The following SWAP70 variants were observed in gnomAD, a reference collection of about 807,000 sequenced individuals.
The protein encoded by SWAP70 is switching B cell complex subunit SWAP70.
In SWAP70, 34 loss-of-function variants were observed where a neutral mutation model predicts 80.2. The observed-to-expected ratio is 0.42, with a 90% CI of 0.32 to 0.56. SWAP70 has a LOEUF of 0.56. Ranked by LOEUF, SWAP70 falls within the 20% of genes least tolerant of loss-of-function variation. SWAP70 has a pLI of 0.09. For missense variants in SWAP70, 578 were observed against 690.7 expected, an observed-to-expected ratio of 0.84 and a Z score of 1.83; for synonymous variants, 239 against 238.5, an observed-to-expected ratio of 1.00 and a Z score of -0.02.
At chr11:9,726,877 T>C in intron 4 of SWAP70, 1 of 456,258 alleles carries the variant, frequency 2.2e-6, no homozygotes, top group Non-Finnish European at 4.4e-6. Context: ...AAGCCAGTAT[T>C]TGAACTCCTG....
At chr11:9,697,018 C>T (rs373728492) in intron 2 of SWAP70, among the ~76,000 whole-genome samples, 2 of 151,850 alleles carry the variant, frequency 1.3e-5, no homozygotes. Context: ...TCAAGACTAG[C>T]CTGAACAACA....
At chr11:9,688,695 A>G (rs1418225284) in intron 1 of SWAP70, among the ~76,000 whole-genome samples, 1 of 152,180 alleles carries the variant, frequency 6.6e-6, no homozygotes, top group Admixed American at 6.6e-5. Flanking sequence ...GTAAGTGTCT[A>G]GGATGGTAAC....
chr11:9,730,642 A>C (rs957973996), intron 6 of SWAP70, among the ~76,000 whole-genome samples: 1 of 152,230 alleles, frequency 6.6e-6, no homozygotes, highest in African/African-American at 2.4e-5. Context: ...TTGAGGTAAT[A>C]TGTAAAAGAA....
At chr11:9,720,460 T>A in intron 3 of SWAP70, 1 of 985,416 alleles carries the variant, frequency 1.0e-6, no homozygotes, top group Non-Finnish European at 1.2e-6. Flanking sequence ...GCTTGGAGTG[T>A]GAATGACGTG....
intron 9 of SWAP70, 137 bp from the exon 10 acceptor site, chr11:9,747,721 C>T (rs1851529950): frequency 2.5e-6 from 2 of 804,590 alleles, no homozygotes; most frequent in Admixed American, 2.1e-5. Context: ...TTCTCTGGCT[C>T]CTGCTTTCCT....
intron 3 of SWAP70, among the ~76,000 whole-genome samples, chr11:9,714,743 C>T (rs1279014158): frequency 6.6e-6 from 1 of 151,264 alleles, no homozygotes; most frequent in Non-Finnish European, 1.5e-5. Context: ...TCCAGCTTGA[C>T]TGAGTTGCCA....
intron 1 of SWAP70, among the ~76,000 whole-genome samples, chr11:9,681,989 T>C (rs563290856): frequency 6.6e-6 from 1 of 152,338 alleles, no homozygotes; most frequent in African/African-American, 2.4e-5. Flanking sequence ...GGGAAATCAC[T>C]TCTCTTTGCT....
chr11:9,694,037 A>T, intron 1 of SWAP70, 109 bp from the exon 2 acceptor site: 2 of 1,361,712 alleles, frequency 1.5e-6, no homozygotes, highest in Admixed American at 5.3e-5. Flanking sequence ...TTGCTAGTTT[A>T]TTTTCCATCT....
intron 1 of SWAP70, among the ~76,000 whole-genome samples, chr11:9,675,375 GAGA>G (rs1850481823): frequency 5.5e-5 from 3 of 54,866 alleles, no homozygotes; most frequent in Admixed American, 1.7e-4. Context: ...GAGAGAGAGA[GAGA>G]GAGAGAGAGA....
At chr11:9,736,015 C>T (rs1851358967) in intron 7 of SWAP70, among the ~76,000 whole-genome samples, 1 of 152,046 alleles carries the variant, frequency 6.6e-6, no homozygotes, top group African/African-American at 2.4e-5. Flanking sequence ...ATAATGGTGT[C>T]CCACATTTCT....
rs776234563 is a variant in SWAP70 at position 9,740,436 on chromosome 11, G to A, written c.1355+89G>A. The A allele has an allele frequency of 1.1e-5, 15 of 1,340,240 alleles. No individual in the cohort carries two copies. In the Admixed American group the frequency reaches 2.4e-4, roughly 21 times the overall value. The allele number at this position is 1,340,240 out of a possible 1,614,324, so 83.0% of individuals were successfully genotyped here. On this transcript the variant is annotated intron_variant, in intron 9 of 11. Coordinates refer to ENST00000318950, the MANE Select transcript of SWAP70 (RefSeq NM_015055.4). Reference sequence around the variant, plus strand: ...AATGACTAACACTCTGGTGGAGAGGGAGAAGTGTCTCTGCTCTGGCTGTGA... The same window carrying A: ...AATGACTAACACTCTGGTGGAGAGGAAGAAGTGTCTCTGCTCTGGCTGTGA...
intron 1 of SWAP70, among the ~76,000 whole-genome samples, chr11:9,693,634 C>T (rs924800442): frequency 4.5e-4 from 68 of 152,034 alleles, no homozygotes; most frequent in Non-Finnish European, 1.3e-4. Flanking sequence ...ATTAATTTGG[C>T]CCTTTCTATT....
chr11:9,729,153 G>A (rs1851263108), intron 5 of SWAP70, among the ~76,000 whole-genome samples, 190 bp from the exon 6 acceptor site: 1 of 152,186 alleles, frequency 6.6e-6, no homozygotes, highest in African/African-American at 2.4e-5. Context: ...CAGTCTAGAT[G>A]TAGTATACCA....
chr11:9,716,504 C>G (rs1027542562), intron 3 of SWAP70, among the ~76,000 whole-genome samples: 2 of 152,218 alleles, frequency 1.3e-5, no homozygotes, highest in Non-Finnish European at 2.9e-5. Flanking sequence ...TACTCACTCT[C>G]TCTGTTTGGG....
chr11:9,728,087 A>G lies in SWAP70; in HGVS notation c.677A>G (p.Asn226Ser). Reference protein sequence around the residue: ...YMMKKGHRRKNWTERWFVLKP... With the variant: ...YMMKKGHRRKSWTERWFVLKP... ...ATGAAAAAGGGCCACAGACGGAAAA[A>G]CTGGACTGAAAGATGGTTTGTACTA... Residue 226 changes from asparagine (N) to serine (S), a missense_variant, in exon 5 of 12, where the codon AAC becomes AGC. Transcript: ENST00000318950. 6.2e-7 allele frequency: 1 copy of G among 1,611,710 alleles called. No individual in the cohort carries two copies. The highest frequency in any genetic ancestry group is 8.5e-7 in the Non-Finnish European group (1 of 1,179,104).
At chr11:9,694,340 G>A in intron 2 of SWAP70, 54 bp downstream of exon 2, 2 of 1,526,654 alleles carry the variant, frequency 1.3e-6, no homozygotes, top group Non-Finnish European at 1.8e-6. Flanking sequence ...CATGTTTCAA[G>A]TGGGCCCAAA....
At chr11:9,695,415 A>G (rs1850743325) in intron 2 of SWAP70, among the ~76,000 whole-genome samples, 1 of 152,216 alleles carries the variant, frequency 6.6e-6, no homozygotes, top group South Asian at 2.1e-4. Flanking sequence ...TGTGGTACAT[A>G]TACGCCATGG....
intron 1 of SWAP70, among the ~76,000 whole-genome samples, chr11:9,683,122 G>C (rs1308258970): frequency 6.6e-6 from 1 of 152,220 alleles, no homozygotes; most frequent in Non-Finnish European, 1.5e-5. Flanking sequence ...TGTCTGGGCT[G>C]GGTACGCTGG....
chr11:9,665,295 C>G lies in SWAP70; in HGVS notation c.99+1017C>G, dbSNP rs1373462264. Among the ~76,000 whole-genome samples the G allele has an allele frequency of 5.9e-5, 9 of 152,180 alleles. No homozygotes were observed. In the South Asian group the frequency reaches 1.7e-3, roughly 28 times the overall value. ...TGGCTTTTATGCCAGTAGGACTTAA[C>G]ATTCTCCTTGTCTTCCTTTTGCCTC... On this transcript the variant is annotated intron_variant, in intron 1 of 11. Transcript: ENST00000318950.
Sources: allele counts gnomAD v4.1 joint callset (sites outside exome capture counted in the v4.1 genomes callset), GRCh38; gene constraint gnomAD v4.1.1; transcripts MANE v1.5; gene names NCBI Gene and HGNC (gene_info 2026-07-23, HGNC 2026-07-21).